CCNJL: variants seen among roughly 807,000 people sequenced by gnomAD.
CCNJL encodes the protein cyclin-J-like protein.
CCNJL carries 33 observed loss-of-function variants against 33.4 expected under a neutral mutation model. The observed-to-expected ratio is 0.99, with a 90% CI of 0.75 to 1.32. The LOEUF (loss-of-function observed/expected upper bound fraction) is 1.32. Among genes scored for constraint, CCNJL ranks in the 40% most tolerant of loss-of-function variants. The pLI, the probability that CCNJL is intolerant of heterozygous loss-of-function variation, is 0.00. For missense variants in CCNJL, 512 were observed against 499.7 expected (o/e 1.02, Z -0.23); for synonymous variants, 227 against 220.9 (o/e 1.03, Z -0.24).
At chr5:160,301,175 T>C (rs1032734238) in intron 2 of CCNJL, among the ~76,000 whole-genome samples, 7 of 152,138 alleles carry the variant, frequency 4.6e-5, no homozygotes, top group African/African-American at 1.2e-4. Context: ...CAAATTTTTA[T>C]AGACATAAAA....
At chr5:160,308,631 G>T (rs1026626160) in intron 2 of CCNJL, among the ~76,000 whole-genome samples, 11 of 152,194 alleles carry the variant, frequency 7.2e-5, no homozygotes, top group Non-Finnish European at 1.6e-4. Context: ...GGTGGCACAT[G>T]CCTGTAATCC....
intron 3 of CCNJL, among the ~76,000 whole-genome samples, chr5:160,260,580 G>A (rs1047270750): frequency 1.3e-5 from 2 of 152,242 alleles, no homozygotes; most frequent in East Asian, 3.9e-4. Context: ...AGGGAACAAT[G>A]GGAGGTCCTT....
intron 2 of CCNJL, among the ~76,000 whole-genome samples, chr5:160,308,557 G>A (rs367814386): frequency 2.6e-5 from 4 of 152,300 alleles, no homozygotes; most frequent in South Asian, 2.1e-4. Flanking sequence ...GGGGTTCTTC[G>A]AGACCAGCCT....
At chr5:160,309,608 CA>C (rs1763202189) in intron 2 of CCNJL, among the ~76,000 whole-genome samples, 1 of 152,238 alleles carries the variant, frequency 6.6e-6, no homozygotes, top group East Asian at 1.9e-4. Context: ...CCTCATTCCT[CA>C]AGAAAGGCGA....
chr5:160,335,966 T>A (rs1763679428), intron 1 of CCNJL, among the ~76,000 whole-genome samples: 1 of 152,142 alleles, frequency 6.6e-6, no homozygotes. Context: ...ACCACTTACT[T>A]TTCAGTCCTC....
chr5:160,297,495 G>A lies in CCNJL; in HGVS notation c.66+14363C>T, dbSNP rs1236310426. On this transcript the variant is annotated intron_variant, in intron 2 of 5. Transcript: ENST00000257536. ...CCCTAGTGATCTGACAAAAATTCCC[G>A]CAGAAACCACTTCAGAGCCCGTCTT... Among the ~76,000 whole-genome samples, 4 of 152,120 alleles carry A rather than the reference G, an allele frequency of 2.6e-5. No individual in the cohort carries two copies. The South Asian group carries it at 8.3e-4, about 32-fold the overall frequency.
At chr5:160,267,637 C>G (rs930677319) in intron 3 of CCNJL, among the ~76,000 whole-genome samples, 1 of 152,180 alleles carries the variant, frequency 6.6e-6, no homozygotes, top group African/African-American at 2.4e-5. Flanking sequence ...GGTGGAGGAA[C>G]TTCCATGGAT....
chr5:160,269,165 C>T (rs923043909), intron 3 of CCNJL, among the ~76,000 whole-genome samples: 3 of 152,232 alleles, frequency 2.0e-5, no homozygotes, highest in Admixed American at 6.5e-5. Context: ...CCACGGGCTT[C>T]CCTTCTTGCT....
rs1177369719 is a variant in CCNJL at position 160,291,036 on chromosome 5, TAAAAAAAAAAAAA to T, written c.67-10311_67-10299del. Among the ~76,000 whole-genome samples the T allele has an allele frequency of 2.2e-3, 125 of 57,540 alleles. 3 individuals carry two copies. The highest frequency in any genetic ancestry group is 0.013 in the South Asian group (18 of 1,434). The allele number at this position is 57,540 out of a possible 152,430, so 37.7% of individuals were successfully genotyped here. A position where few individuals can be genotyped will look rare whatever the true frequency, so the allele number is the denominator to read the frequency against. On this transcript the variant is annotated intron_variant, in intron 2 of 5. Transcript: ENST00000257536. ...AACATAGAAACACCCCGTCTTTACTTAAAAAAAAAAAAAAAAAAAAAAAAAGAAAGAAAGAGAG... is the reference window on the plus strand; with the variant it reads ...AACATAGAAACACCCCGTCTTTACTTAAAAAAAAAAAAGAAAGAAAGAGAG...
chr5:160,302,814 T>TAA (rs35600220), intron 2 of CCNJL, among the ~76,000 whole-genome samples: 13 of 143,464 alleles, frequency 9.1e-5, no homozygotes, highest in African/African-American at 3.0e-4. Flanking sequence ...TCTGTCTCAA[T>TAA]AAAAAAAAAA....
At chr5:160,329,893 C>T (rs149042502) in intron 1 of CCNJL, among the ~76,000 whole-genome samples, 10 of 152,286 alleles carry the variant, frequency 6.6e-5, no homozygotes, top group African/African-American at 1.9e-4. Flanking sequence ...TTAGGACACC[C>T]GTCCGCTGTC....
chr5:160,270,608 A>G (rs1198728359), intron 3 of CCNJL, among the ~76,000 whole-genome samples: 1 of 152,180 alleles, frequency 6.6e-6, no homozygotes, highest in Non-Finnish European at 1.5e-5. Context: ...CAAACACTCA[A>G]TAAACATTAA....
At chr5:160,291,518 G>C (rs142495027) in intron 2 of CCNJL, among the ~76,000 whole-genome samples, 1 of 152,278 alleles carries the variant, frequency 6.6e-6, no homozygotes, top group Non-Finnish European at 1.5e-5. Context: ...TCCCTCTTTG[G>C]GGGCAGAGTA....
chr5:160,272,452 G>C (rs1317694194), intron 3 of CCNJL, among the ~76,000 whole-genome samples: 2 of 152,202 alleles, frequency 1.3e-5, no homozygotes, highest in Non-Finnish European at 2.9e-5. Flanking sequence ...AATCAGTCTG[G>C]AAAGGATTCC....
intron 2 of CCNJL, among the ~76,000 whole-genome samples, chr5:160,293,185 G>A (rs1160045805): frequency 2.0e-5 from 3 of 152,166 alleles, no homozygotes; most frequent in Non-Finnish European, 4.4e-5. Context: ...TTGGGAGGCC[G>A]AGGCAGGCAG....
intron 3 of CCNJL, among the ~76,000 whole-genome samples, chr5:160,265,860 A>G (rs1396583618): frequency 1.3e-4 from 15 of 117,024 alleles, no homozygotes; most frequent in African/African-American, 6.7e-4. Context: ...CTCCAGGGGA[A>G]AAAAAAAAAA....
chr5:160,297,832 A>C lies in CCNJL; in HGVS notation c.66+14026T>G, dbSNP rs565340213. 2.6e-5 allele frequency among the ~76,000 whole-genome samples: 4 copies of C among 152,358 alleles called. No homozygotes were observed. The South Asian group carries it at 8.3e-4, about 32-fold the overall frequency. On this transcript the variant is annotated intron_variant, in intron 2 of 5. Coordinates refer to ENST00000257536, the MANE Select transcript of CCNJL (RefSeq NM_001308173.3). ...CATATTATGCTTGCAACTCTTCTCT[A>C]AGTTTGAAATGATTTCAAAACCAAA...
chr5:160,259,912 C>T (rs1379718454), intron 3 of CCNJL, 141 bp from the exon 4 acceptor site: 2 of 679,444 alleles, frequency 2.9e-6, no homozygotes, highest in South Asian at 1.8e-5. Flanking sequence ...GGAATAGGAG[C>T]ACACATTCCA....
In CCNJL at chr5:160,250,638, A is replaced by AT. The variant is rs1760778784; in HGVS notation, c.*2739dup. On this transcript the variant is annotated 3_prime_UTR_variant, in exon 6 of 6. Transcript: ENST00000257536. ...GAGGAGTACGAATCTGACATTTTTCATAACAGCTGATGCTATATCTCATCA... is the reference window on the plus strand; with the variant it reads ...GAGGAGTACGAATCTGACATTTTTCATTAACAGCTGATGCTATATCTCATCA... 6.6e-6 allele frequency: 1 copy of AT among 152,246 alleles called. No homozygotes were observed. Among genetic ancestry groups the AT allele is most frequent in the Non-Finnish European group, 1.5e-5 (1 of 68,048 alleles). 9.4% of individuals were successfully genotyped at this position (152,246 alleles called of 1,614,324 possible). A position where few individuals can be genotyped will look rare whatever the true frequency, so the allele number is the denominator to read the frequency against.
Sources: allele counts gnomAD v4.1 joint callset (sites outside exome capture counted in the v4.1 genomes callset), GRCh38; gene constraint gnomAD v4.1.1; transcripts MANE v1.5; gene names NCBI Gene and HGNC (gene_info 2026-07-23, HGNC 2026-07-21).